KCNMA1: variants seen among roughly 807,000 people sequenced by gnomAD.
The protein encoded by KCNMA1 is Calcium-activated potassium channel subunit alpha-1.
Under a neutral mutation model 140.0 loss-of-function variants are expected in KCNMA1, and 29 were observed. The ratio of observed to expected loss-of-function variants is 0.21; its 90% CI spans 0.15 to 0.28. KCNMA1 has a LOEUF of 0.28. Ranked by LOEUF, KCNMA1 falls within the 10% of genes least tolerant of loss-of-function variation. KCNMA1 has a pLI of 1.00. For synonymous variants in KCNMA1, 612 were observed against 611.9 expected (o/e 1.00, Z 0.00); for missense variants, 880 against 1,602.2 (o/e 0.55, Z 7.70).
intron 1 of KCNMA1, among the ~76,000 whole-genome samples, chr10:77,602,525 C>CA: frequency 6.6e-6 from 1 of 152,248 alleles, no homozygotes; most frequent in African/African-American, 2.4e-5. Flanking sequence ...AAAACCACTG[C>CA]AAATGAGTAA....
At chr10:77,152,583 C>CT (rs1397235574) in intron 5 of KCNMA1, among the ~76,000 whole-genome samples, 1 of 152,076 alleles carries the variant, frequency 6.6e-6, no homozygotes, top group Non-Finnish European at 1.5e-5. Context: ...ACAGAAGAGC[C>CT]TTGCGACCAA....
intron 1 of KCNMA1, among the ~76,000 whole-genome samples, chr10:77,476,680 G>A (rs748018800): frequency 6.6e-6 from 1 of 152,202 alleles, no homozygotes; most frequent in Non-Finnish European, 1.5e-5. Context: ...CTGCTGCTCA[G>A]GTGCATGTGC....
rs11001920 is a variant in KCNMA1, at chr10:76,889,696, C to T, written c.3343-127G>A. 679 of 785,568 alleles carry T rather than the reference C, an allele frequency of 8.6e-4. 5 individuals carry two copies. In the East Asian group the frequency reaches 0.014, roughly 16 times the overall value. The allele number at this position is 785,568 out of a possible 1,614,324, so 48.7% of individuals were successfully genotyped here. A position where few individuals can be genotyped will look rare whatever the true frequency, so the allele number is the denominator to read the frequency against. On this transcript the variant is annotated intron_variant, in intron 26 of 27. Coordinates refer to ENST00000286628, the MANE Select transcript of KCNMA1 (RefSeq NM_001161352.2). ...TCTCCCAAGTTGGAGGGTCCATGTG[C>T]CAAGGGACGGCAGTGGAAGAAGTCA...
intron 1 of KCNMA1, among the ~76,000 whole-genome samples, chr10:77,567,395 C>T (rs758900299): frequency 2.6e-5 from 4 of 152,178 alleles, no homozygotes; most frequent in East Asian, 1.9e-4. Flanking sequence ...ACCTTTTAGC[C>T]GCCAGCCTCC....
At chr10:77,613,716 T>G (rs1031455361) in intron 1 of KCNMA1, among the ~76,000 whole-genome samples, 2 of 152,252 alleles carry the variant, frequency 1.3e-5, no homozygotes, top group Admixed American at 1.3e-4. Context: ...TCCAACTTGC[T>G]GCAGTTCGGT....
At chr10:77,322,188 C>G (rs1203585292) in intron 2 of KCNMA1, among the ~76,000 whole-genome samples, 2 of 152,148 alleles carry the variant, frequency 1.3e-5, no homozygotes, top group East Asian at 3.9e-4. Flanking sequence ...ATTTTACTGA[C>G]TCGGACTAGG....
At chr10:77,260,654 A>G (rs2061763067) in intron 2 of KCNMA1, among the ~76,000 whole-genome samples, 1 of 152,200 alleles carries the variant, frequency 6.6e-6, no homozygotes, top group African/African-American at 2.4e-5. Context: ...GGTTGCAGTG[A>G]GCTGAGATCA....
chr10:77,421,452 T>C (rs2096864981), intron 1 of KCNMA1, among the ~76,000 whole-genome samples: 1 of 152,226 alleles, frequency 6.6e-6, no homozygotes, highest in Admixed American at 6.5e-5. Flanking sequence ...GGGCAAATTG[T>C]TTCTGTAAAG....
At chr10:77,125,754 G>A (rs2097718591) in intron 5 of KCNMA1, among the ~76,000 whole-genome samples, 1 of 152,226 alleles carries the variant, frequency 6.6e-6, no homozygotes, top group Admixed American at 6.5e-5. Flanking sequence ...CATAGTGTCT[G>A]GCATAAGGTG....
At chr10:77,440,093 G>GA (rs752421662) in intron 1 of KCNMA1, among the ~76,000 whole-genome samples, 5 of 152,112 alleles carry the variant, frequency 3.3e-5, no homozygotes, top group Non-Finnish European at 7.3e-5. Context: ...GTGACCTTAA[G>GA]AAACCTTCCT....
At chr10:77,360,487 A>T (rs1249616917) in intron 2 of KCNMA1, among the ~76,000 whole-genome samples, 1 of 152,178 alleles carries the variant, frequency 6.6e-6, no homozygotes, top group Middle Eastern at 3.2e-3. Context: ...TTCAGAGAAG[A>T]AGAAAGAGTT....
intron 5 of KCNMA1, among the ~76,000 whole-genome samples, chr10:77,135,824 T>C (rs1417266947): frequency 6.6e-6 from 1 of 152,138 alleles, no homozygotes; most frequent in Non-Finnish European, 1.5e-5. Context: ...GAAGGGTGGT[T>C]GGGTAGATGT....
chr10:77,552,881 T>A (rs1386452241), intron 1 of KCNMA1, among the ~76,000 whole-genome samples: 1 of 152,048 alleles, frequency 6.6e-6, no homozygotes, highest in Non-Finnish European at 1.5e-5. Flanking sequence ...AAACCCTGTC[T>A]CCACTAAAAA....
Position 76,984,972 on chromosome 10 carries a change from A to C in KCNMA1, c.2267-14905T>G, listed in dbSNP as rs190797892. On this transcript the variant is annotated intron_variant, in intron 19 of 27. Transcript: ENST00000286628. ...GGAGGAGAGTACCTAGAATCCAGGT[A>C]GAGGGTTTATTTCTAGAAAAGCAGC... Among the ~76,000 whole-genome samples the C allele has an allele frequency of 1.0e-3, 154 of 152,318 alleles. No individual in the cohort carries two copies. In the Middle Eastern group the frequency reaches 0.017, roughly 17 times the overall value.
chr10:77,012,024 C>A lies in KCNMA1; in HGVS notation c.2035G>T (p.Ala679Ser). Reference protein sequence around the residue: ...EVKRAFFYCKACHDDITDPKR... With the variant: ...EVKRAFFYCKSCHDDITDPKR... ...GGATCTGTGATGTCATCATGACAGG[C>A]CTTGCAGTAAAAAAATGCCCTGGAG... The change falls in exon 18 of 28, where the codon GCC becomes TCC. Residue 679 changes from alanine (A) to serine (S), a missense_variant. Coordinates refer to ENST00000286628, the MANE Select transcript of KCNMA1 (RefSeq NM_001161352.2). 1 of 1,613,770 alleles carries A rather than the reference C, an allele frequency of 6.2e-7. No homozygotes were observed. Among genetic ancestry groups the A allele is most frequent in the Non-Finnish European group, 8.5e-7 (1 of 1,179,874 alleles).
chr10:77,182,776 C>T (rs921495753), intron 5 of KCNMA1, among the ~76,000 whole-genome samples: 1 of 152,150 alleles, frequency 6.6e-6, no homozygotes, highest in African/African-American at 2.4e-5. Context: ...TTGAAGCTGT[C>T]TCTCTAAGCC....
chr10:77,040,172 GCA>G lies in KCNMA1; in HGVS notation c.1750-537_1750-536del, dbSNP rs1413116165. On this transcript the variant is annotated intron_variant, in intron 14 of 27. Coordinates refer to ENST00000286628, the MANE Select transcript of KCNMA1 (RefSeq NM_001161352.2). ...TGGGATTACAGGTGTGAGCCACCGT[GCA>G]CAGTCTTTAATCTGTATGACTTCTA... is the stretch of plus-strand genomic sequence containing the variant. 7.9e-5 allele frequency among the ~76,000 whole-genome samples: 12 copies of G among 152,074 alleles called. No homozygotes were observed. In the East Asian group the frequency reaches 1.9e-3, roughly 25 times the overall value.
chr10:77,002,931 C>T (rs1188770738), intron 18 of KCNMA1, among the ~76,000 whole-genome samples: 1 of 152,158 alleles, frequency 6.6e-6, no homozygotes, highest in Non-Finnish European at 1.5e-5. Context: ...TCATTTCCCC[C>T]ACTCTTTCTT....
At chr10:77,509,101 TTTGTTGTTGTTG>T (rs71028281) in intron 1 of KCNMA1, among the ~76,000 whole-genome samples, 15,656 of 118,904 alleles carry the variant, frequency 0.13, 1,143 homozygotes, top group African/African-American at 0.21. Context: ...TTTGTTGGGT[TTTGTTGTTGTTG>T]TTGTTGTTGT....
Sources: gnomAD v4.1 joint callset for allele counts (sites outside exome capture counted in the v4.1 genomes callset) on GRCh38, gnomAD v4.1.1 for gene constraint, MANE v1.5 for transcripts, NCBI Gene and HGNC (gene_info 2026-07-23, HGNC 2026-07-21) for gene names.